Variants in ADNP observed in about 807,000 individuals in gnomAD.
ADNP encodes the protein activity dependent neuroprotector homeobox.
Under a neutral mutation model 84.9 loss-of-function variants are expected in ADNP, and 4 were observed. The ratio of observed to expected loss-of-function variants is 0.05; its 90% CI spans 0.02 to 0.11. ADNP has a LOEUF of 0.11. Among genes scored for constraint, ADNP ranks in the 10% least tolerant of loss-of-function variants. ADNP has a pLI of 1.00. For synonymous variants in ADNP, 554 were observed against 468.1 expected (o/e 1.18, Z -2.37); for missense variants, 1,132 against 1,326.0 (o/e 0.85, Z 2.27).
At chr20:50,925,241 A>C (rs908181607) in intron 2 of ADNP, among the ~76,000 whole-genome samples, 4 of 145,540 alleles carry the variant, frequency 2.7e-5, no homozygotes, top group Non-Finnish European at 6.0e-5. Context: ...CAGTTGGCTC[A>C]ATTTTTATCT....
intron 2 of ADNP, chr20:50,905,191 A>G (rs993281778): frequency 2.9e-4 from 44 of 152,368 alleles, no homozygotes; most frequent in Non-Finnish European, 5.9e-5. Flanking sequence ...AAACCTGGGC[A>G]GCTGAGAATA....
At chr20:50,902,275 A>G (rs1982062499) in intron 4 of ADNP, among the ~76,000 whole-genome samples, 166 bp from the exon 5 acceptor site, 1 of 152,218 alleles carries the variant, frequency 6.6e-6, no homozygotes, top group Non-Finnish European at 1.5e-5. Flanking sequence ...AAAAAGGCAT[A>G]TGGAAGTTGC....
intron 2 of ADNP, among the ~76,000 whole-genome samples, chr20:50,926,018 C>T (rs573809033): frequency 1.8e-4 from 28 of 152,222 alleles, no homozygotes; most frequent in South Asian, 6.2e-4. Flanking sequence ...GAAAATCACT[C>T]GAACCCGGGA....
chr20:50,904,199 C>T, intron 3 of ADNP, 198 bp from the exon 4 acceptor site: 1 of 564,036 alleles, frequency 1.8e-6, no homozygotes. Context: ...ATCCATCCTT[C>T]CTTCCTTTTC....
chr20:50,929,301 G>A (rs1192325918), intron 1 of ADNP, among the ~76,000 whole-genome samples: 1 of 152,200 alleles, frequency 6.6e-6, no homozygotes, highest in Admixed American at 6.5e-5. Flanking sequence ...AAGGTGATTC[G>A]TCAAGAACAA....
rs1980487045 is a variant in ADNP at position 50,889,967 on chromosome 20, A to AAAAC, written c.*1434_*1437dup. 7.5e-6 allele frequency: 3 copies of AAAAC among 397,508 alleles called. No individual in the cohort carries two copies. The highest frequency in any genetic ancestry group is 3.6e-5 in the East Asian group (1 of 28,080). 24.6% of individuals were successfully genotyped at this position (397,508 alleles called of 1,614,324 possible). On this transcript the variant is annotated 3_prime_UTR_variant, in exon 6 of 6. Transcript: ENST00000621696. Reference sequence around the variant, plus strand: ...GAACGTTTAACTTCATCTAGAAGAAAAAACAAACAAAAAACCCATCAGGCT... The same window carrying AAAAC: ...GAACGTTTAACTTCATCTAGAAGAAAAAACAAACAAACAAAAAACCCATCAGGCT...
At position 50,892,140 on chromosome 20, in the gene ADNP, A is replaced by G. The variant is rs373887686; in HGVS notation, c.2574T>C (p.Ala858=). The part of the protein sequence containing the change: ...NHDEKDSRVN[A]SKTADKKLNL... Reference sequence around the variant, plus strand: ...TGAGCTTTTTGTCAGCAGTCTTACTAGCATTGACTCTGGAATCCTTCTCAT... The same window carrying G: ...TGAGCTTTTTGTCAGCAGTCTTACTGGCATTGACTCTGGAATCCTTCTCAT... The change falls in exon 6 of 6, where the codon GCT becomes GCC. Residue 858 remains alanine (A), a synonymous_variant. Transcript: ENST00000621696. 10 of 1,614,052 alleles carry G rather than the reference A, an allele frequency of 6.2e-6. No homozygotes were observed. Among genetic ancestry groups the G allele is most frequent in the Non-Finnish European group, 8.5e-6 (10 of 1,180,036 alleles).
At chr20:50,922,580 T>TG (rs1258073996) in intron 2 of ADNP, among the ~76,000 whole-genome samples, 3 of 142,710 alleles carry the variant, frequency 2.1e-5, no homozygotes, top group South Asian at 2.3e-4. Context: ...CCTCCTGCGT[T>TG]TTTTTTTTTT....
intron 2 of ADNP, chr20:50,909,815 G>C (rs1476605703): frequency 6.6e-6 from 1 of 152,202 alleles, no homozygotes. Context: ...ATAATGACCA[G>C]TAGAGTTGGA....
intron 3 of ADNP, 149 bp from the exon 4 acceptor site, chr20:50,904,150 C>A (rs1568724634): frequency 1.6e-6 from 1 of 614,098 alleles, no homozygotes; most frequent in East Asian, 2.8e-5. Flanking sequence ...CACAGACACA[C>A]ACCTGCTTTC....
In ADNP at chr20:50,918,594, C is replaced by T. The variant is rs545998740; in HGVS notation, c.-90+10057G>A. Reference sequence around the variant, plus strand: ...TATATTACTTTTGGCAATGAAGGCCCTGATTCACTCTGCCTTAACTAATAG... The same window carrying T: ...TATATTACTTTTGGCAATGAAGGCCTTGATTCACTCTGCCTTAACTAATAG... On this transcript the variant is annotated intron_variant, in intron 2 of 5. Transcript: ENST00000621696. Among the ~76,000 whole-genome samples, 13 of 152,312 alleles carry T rather than the reference C, an allele frequency of 8.5e-5. No individual in the cohort carries two copies. In the South Asian group the frequency reaches 2.7e-3, roughly 32 times the overall value.
At chr20:50,927,763 C>A (rs940167022) in intron 2 of ADNP, among the ~76,000 whole-genome samples, 1 of 152,202 alleles carries the variant, frequency 6.6e-6, no homozygotes, top group African/African-American at 2.4e-5. Flanking sequence ...TTTCTAAGAG[C>A]TCACAGCAAG....
rs375892440 is a variant in ADNP, at chr20:50,892,054, T to C, written c.2660A>G (p.Asn887Ser). The C allele has an allele frequency of 5.0e-6, 8 of 1,614,090 alleles. No homozygotes were observed. Among genetic ancestry groups the C allele is most frequent in the African/African-American group, 4.0e-5 (3 of 74,932 alleles). ...AGGGTCAAAAGGGCTACCACTTTCATTGGATTCTTCTTCCAAATTTTCAAA... is the reference window on the plus strand; with the variant it reads ...AGGGTCAAAAGGGCTACCACTTTCACTGGATTCTTCTTCCAAATTTTCAAA... Reference protein sequence around the residue: ...DSFENLEEESNESGSPFDPVF... With the variant: ...DSFENLEEESSESGSPFDPVF... The change falls in exon 6 of 6, where the codon AAT becomes AGT. Residue 887 changes from asparagine (N) to serine (S), a missense_variant. Physicochemically the swap from Asn to Ser is conservative, Grantham distance 46. This residue lies in a region of ADNP where 381 missense variants were observed against 319.9 expected (regional missense o/e 1.19). Coordinates refer to ENST00000621696, the MANE Select transcript of ADNP (RefSeq NM_001282531.3).
Position 50,893,228 on chromosome 20 carries a change from G to A in ADNP, c.1486C>T (p.Arg496Cys). 1 of 1,614,230 alleles carries A rather than the reference G, an allele frequency of 6.2e-7. No individual in the cohort carries two copies. The highest frequency in any genetic ancestry group is 8.5e-7 in the Non-Finnish European group (1 of 1,180,040). Residue 496 changes from arginine to cysteine, a missense_variant, in exon 6 of 6, where the codon CGC becomes TGC. Around this residue, in one of 10 missense-constraint regions of ADNP, gnomAD observed 87 missense variants for 181.4 expected, o/e 0.48. Transcript: ENST00000621696. The surrounding 1 kb of genome is among the most constrained non-coding windows in gnomAD (Gnocchi z 4.4). ...AGCAGAGTATCTGTGGGTAAATAGC[G>A]ATTACAGTAGAGGCATTTGCTAGTA... The part of the protein sequence containing the change: ...NFTSKCLYCN[R>C]YLPTDTLLNH...
chr20:50,893,903 T>C lies in ADNP; in HGVS notation c.811A>G (p.Ile271Val), dbSNP rs1423001728. Residue 271 changes from isoleucine (I) to valine (V), a missense_variant, in exon 6 of 6, where the codon ATT becomes GTT. Physicochemically the swap from Ile to Val is conservative, Grantham distance 29. Coordinates refer to ENST00000621696, the MANE Select transcript of ADNP (RefSeq NM_001282531.3). The surrounding 1 kb of genome is among the most constrained non-coding windows in gnomAD (Gnocchi z 4.4). ...TTCTTGTCTTGAGGTTTGGGAGCAA[T>C]TAGCATCAAGGGTTTGGATCGGGGA... ...VVPRSKPLMLIAPKPQDKKSM... is the reference protein window; with the variant it reads ...VVPRSKPLMLVAPKPQDKKSM... 1 of 1,614,146 alleles carries C rather than the reference T, an allele frequency of 6.2e-7. No homozygotes were observed. The highest frequency in any genetic ancestry group is 8.5e-7 in the Non-Finnish European group (1 of 1,180,016).
chr20:50,909,503 T>TA (rs1234204665), intron 2 of ADNP: 11 of 151,400 alleles, frequency 7.3e-5, no homozygotes, highest in African/African-American at 2.2e-4. Context: ...AACAAACCTA[T>TA]ATATTGTTCA....
intron 2 of ADNP, among the ~76,000 whole-genome samples, chr20:50,921,403 A>G (rs1983948022): frequency 6.6e-6 from 1 of 152,254 alleles, no homozygotes; most frequent in African/African-American, 2.4e-5. Flanking sequence ...GAACATCTGC[A>G]ACTATCTTAA....
chr20:50,905,726 G>C (rs987332072), intron 2 of ADNP, among the ~76,000 whole-genome samples: 1 of 152,132 alleles, frequency 6.6e-6, no homozygotes, highest in South Asian at 2.1e-4. Context: ...CAATGACTAT[G>C]GTGTCCCCTG....
At chr20:50,920,570 G>C (rs1042676065) in intron 2 of ADNP, among the ~76,000 whole-genome samples, 22 of 143,062 alleles carry the variant, frequency 1.5e-4, no homozygotes, top group African/African-American at 5.3e-4. Context: ...AAAAAAAAAA[G>C]CCTGGAGGAA....
Sources: gnomAD v4.1 joint callset for allele counts (sites outside exome capture counted in the v4.1 genomes callset) on GRCh38, gnomAD v4.1.1 for gene constraint, gnomAD v4.1.1 regional missense constraint, Gnocchi (gnomAD v3.1) non-coding constraint, MANE v1.5 for transcripts, NCBI Gene and HGNC (gene_info 2026-07-23, HGNC 2026-07-21) for gene names.